MAU2: variants seen among roughly 807,000 people sequenced by gnomAD.
The protein encoded by MAU2 is MAU2 sister chromatid cohesion factor, also known as MAU2 chromatid cohesion factor homolog.
In MAU2, 9 loss-of-function variants were observed where a neutral mutation model predicts 89.1. That is an observed-to-expected ratio of 0.10 (90% confidence interval 0.06 to 0.18). The LOEUF is 0.18. Ranked by LOEUF, MAU2 falls within the 10% of genes least tolerant of loss-of-function variation. The pLI is 1.00. For synonymous variants in MAU2, 357 were observed against 343.4 expected, an observed-to-expected ratio of 1.04 and a Z score of -0.44; for missense variants, 425 against 803.5, an observed-to-expected ratio of 0.53 and a Z score of 5.69.
intron 1 of MAU2, among the ~76,000 whole-genome samples, chr19:19,323,594 C>T (rs1282505201): frequency 6.6e-6 from 1 of 152,120 alleles, no homozygotes; most frequent in African/African-American, 2.4e-5. Context: ...GCAGCCTTGA[C>T]CTCCTGGGCT....
intron 1 of MAU2, chr19:19,334,366 C>G (rs1467880372): frequency 5.1e-6 from 5 of 985,788 alleles, no homozygotes; most frequent in South Asian, 9.4e-5. Flanking sequence ...GGCTCGGGCT[C>G]TCTCCCACAG....
At chr19:19,347,056 C>T (rs2061698808) in intron 12 of MAU2, 1 of 527,118 alleles carries the variant, frequency 1.9e-6, no homozygotes, top group Non-Finnish European at 3.4e-6. Flanking sequence ...TGGTTTTCCT[C>T]TTCTGTGTTC....
At position 19,358,452 on chromosome 19, in the gene MAU2, G is replaced by C. The variant is rs1599934525; in HGVS notation, c.*2670G>C. On this transcript the variant is annotated 3_prime_UTR_variant, in exon 19 of 19. Coordinates refer to ENST00000262815, the MANE Select transcript of MAU2 (RefSeq NM_015329.4). ...CCAGCCCCGTTTATCAGAAACACAGGCAAGGAAATTGGAACTGCCACCCAG... is the reference window on the plus strand; with the variant it reads ...CCAGCCCCGTTTATCAGAAACACAGCCAAGGAAATTGGAACTGCCACCCAG... The C allele has an allele frequency of 6.6e-6, 1 of 152,336 alleles. No individual in the cohort carries two copies. The highest frequency in any genetic ancestry group is 1.9e-4 in the East Asian group (1 of 5,182). 9.4% of individuals were successfully genotyped at this position (152,336 alleles called of 1,614,324 possible). A position where few individuals can be genotyped will look rare whatever the true frequency, so the allele number is the denominator to read the frequency against.
At position 19,349,388 on chromosome 19, in the gene MAU2, C is replaced by T; in HGVS notation, c.1500C>T (p.Cys500=). ...AGGACCTGAACCGGCTCACAGCCTG[C>T]TCCCTCGTGCTTCTGGGCCACATCT... ...NAEDLNRLTA[C]SLVLLGHIFY... is the part of the protein sequence containing the mutation. The change falls in exon 16 of 19, where the codon TGC becomes TGT. Residue 500 remains cysteine, a synonymous_variant. Transcript: ENST00000262815. 2 of 1,614,212 alleles carry T rather than the reference C, an allele frequency of 1.2e-6. No homozygotes were observed. The highest frequency in any genetic ancestry group is 1.7e-6 in the Non-Finnish European group (2 of 1,180,046).
intron 1 of MAU2, among the ~76,000 whole-genome samples, chr19:19,326,691 A>ATATATATACGT (rs1555792830): frequency 1.8e-5 from 2 of 109,442 alleles, no homozygotes; most frequent in Admixed American, 1.1e-4. Flanking sequence ...CTCAAAAAAA[A>ATATATATACGT]ATATATATAT....
At chr19:19,353,316 GGAGCCCAGCCAGGC>G (rs1375119263) in intron 16 of MAU2, 1 of 152,222 alleles carries the variant, frequency 6.6e-6, no homozygotes, top group Non-Finnish European at 1.5e-5. Flanking sequence ...CTTTCTACAG[GGAGCCCAGCCAGGC>G]TCACAATAAG....
intron 8 of MAU2, 42 bp downstream of exon 8, chr19:19,342,723 G>C (rs754156388): frequency 6.2e-7 from 1 of 1,613,380 alleles, no homozygotes; most frequent in Non-Finnish European, 8.5e-7. Context: ...GGGGGCGGGG[G>C]CAGGGAGAGG....
At chr19:19,334,690 C>CCA in intron 1 of MAU2, 2 of 790,220 alleles carry the variant, frequency 2.5e-6, no homozygotes, top group Non-Finnish European at 3.1e-6. Context: ...GCCGCTGTTG[C>CCA]CGCATGAGTG....
chr19:19,350,013 G>A (rs1311863102), intron 16 of MAU2, among the ~76,000 whole-genome samples: 2 of 135,748 alleles, frequency 1.5e-5, no homozygotes, highest in East Asian at 4.3e-4. Flanking sequence ...AAGATATTTT[G>A]GGCAGGCACA....
chr19:19,355,483 C>G (rs1291029265), intron 18 of MAU2, 92 bp downstream of exon 18: 1 of 1,547,742 alleles, frequency 6.5e-7, no homozygotes, highest in Non-Finnish European at 8.8e-7. Flanking sequence ...TCTCTTTTGT[C>G]CAACAAACCC....
At chr19:19,344,004 CAA>C in intron 10 of MAU2, 64 bp downstream of exon 10, 1 of 1,374,158 alleles carries the variant, frequency 7.3e-7, no homozygotes, top group East Asian at 2.3e-5. Flanking sequence ...CAGTGTCAGA[CAA>C]GAGACTGAAT....
At chr19:19,350,087 G>T (rs2061730183) in intron 16 of MAU2, among the ~76,000 whole-genome samples, 1 of 150,490 alleles carries the variant, frequency 6.6e-6, no homozygotes, top group Non-Finnish European at 1.5e-5. Flanking sequence ...CTGAGGTCAG[G>T]AGTTCAAGAC....
At chr19:19,321,881 T>G (rs569494638) in intron 1 of MAU2, 1 of 152,322 alleles carries the variant, frequency 6.6e-6, no homozygotes, top group South Asian at 2.1e-4. Context: ...CTACCATCCA[T>G]CAGTCCATCC....
Position 19,345,249 on chromosome 19 carries a change from G to C in MAU2, c.1156-55G>C. ...GGCCCCGGGCACACCACGTGTCTCT[G>C]ATCTGAGCCCCCTCCCCAGGGGCCG... On this transcript the variant is annotated intron_variant, in intron 11 of 18. Transcript: ENST00000262815. The surrounding 1 kb of genome is among the most constrained non-coding windows in gnomAD (Gnocchi z 4.9). 6.6e-7 allele frequency: 1 copy of C among 1,525,256 alleles called. No individual in the cohort carries two copies. Among genetic ancestry groups the C allele is most frequent in the Non-Finnish European group, 9.1e-7 (1 of 1,100,404 alleles). 94.5% of individuals were successfully genotyped at this position (1,525,256 alleles called of 1,614,324 possible). A position where few individuals can be genotyped will look rare whatever the true frequency, so the allele number is the denominator to read the frequency against.
In MAU2 at chr19:19,341,380, G is replaced by A; in HGVS notation, c.708G>A (p.Gln236=). Residue 236 remains glutamine, a synonymous_variant, in exon 7 of 19, where the codon CAG becomes CAA. Transcript: ENST00000262815. ...ESLRVFFLVL[Q]VTHYLDAGQV... is the part of the protein sequence containing the mutation. ...TGCGTGTCTTCTTCCTGGTGCTCCA[G>A]GTCACCCACTATCTGGATGCCGGGC... 2 of 1,613,954 alleles carry A rather than the reference G, an allele frequency of 1.2e-6. No individual in the cohort carries two copies. Among genetic ancestry groups the A allele is most frequent in the Non-Finnish European group, 1.7e-6 (2 of 1,180,018 alleles).
rs1458290864 is a variant in MAU2 at position 19,356,078 on chromosome 19, G to T, written c.*296G>T. 1 of 570,658 alleles carries T rather than the reference G, an allele frequency of 1.8e-6. No individual in the cohort carries two copies. Among genetic ancestry groups the T allele is most frequent in the Non-Finnish European group, 3.3e-6 (1 of 300,200 alleles). 35.3% of individuals were successfully genotyped at this position (570,658 alleles called of 1,614,324 possible). A position where few individuals can be genotyped will look rare whatever the true frequency, so the allele number is the denominator to read the frequency against. On this transcript the variant is annotated 3_prime_UTR_variant, in exon 19 of 19. Transcript: ENST00000262815. ...CTGCCTCAGCATCTGGGTCACGTCG[G>T]CCAGGAGTAGGGTGCAGGCCTCCAG...
At chr19:19,326,718 A>ACGTG (rs374220811) in intron 1 of MAU2, among the ~76,000 whole-genome samples, 1 of 112,574 alleles carries the variant, frequency 8.9e-6, no homozygotes, top group African/African-American at 3.1e-5. Flanking sequence ...ATATATATAT[A>ACGTG]TACATATATA....
chr19:19,354,700 C>T (rs1599930201), intron 17 of MAU2: 1 of 529,882 alleles, frequency 1.9e-6, no homozygotes, highest in Non-Finnish European at 3.4e-6. Context: ...ATCTGGTAGA[C>T]TTGGGCTGTT....
intron 1 of MAU2, among the ~76,000 whole-genome samples, chr19:19,334,869 G>A (rs571132620): frequency 6.6e-5 from 10 of 152,322 alleles, no homozygotes; most frequent in South Asian, 6.2e-4. Context: ...CACAGAGTGC[G>A]ATGAGTTAGG....
Sources: gnomAD v4.1 joint callset for allele counts (sites outside exome capture counted in the v4.1 genomes callset) on GRCh38, gnomAD v4.1.1 for gene constraint, Gnocchi (gnomAD v3.1) non-coding constraint, MANE v1.5 for transcripts, NCBI Gene and HGNC (gene_info 2026-07-23, HGNC 2026-07-21) for gene names.